Variants in IFT140 observed in about 807,000 individuals in gnomAD.
IFT140 encodes intraflagellar transport protein 140 homolog.
In IFT140, 133 loss-of-function variants were observed where a neutral mutation model predicts 164.6. The ratio of observed to expected loss-of-function variants is 0.81; its 90% CI spans 0.70 to 0.93. The LOEUF (loss-of-function observed/expected upper bound fraction) is 0.93, where lower values mean the gene tolerates loss of function less well. Ranked by LOEUF, IFT140 falls within the 40% of genes least tolerant of loss-of-function variation. The pLI, the probability that IFT140 is intolerant of heterozygous loss-of-function variation, is 0.00. For synonymous variants in IFT140, 860 were observed against 817.3 expected, an observed-to-expected ratio of 1.05 and a Z score of -0.89; for missense variants, 2,045 against 1,972.3, an observed-to-expected ratio of 1.04 and a Z score of -0.70.
Position 1,525,201 on chromosome 16 carries a change from G to A in IFT140, c.2864+30C>T, listed in dbSNP as rs114712279. On this transcript the variant is annotated intron_variant, in intron 22 of 30. Transcript: ENST00000426508. ...CCTGCAAACCTCCAGGATGGAGTGC[G>A]GTCCCACCAGCCCTGGTGGGGACAC... is the stretch of plus-strand genomic sequence containing the variant. The A allele has an allele frequency of 1.1e-3, 1,676 of 1,522,698 alleles. 14 individuals carry two copies. The African/African-American group carries it at 0.02, about 18-fold the overall frequency. The allele number at this position is 1,522,698 out of a possible 1,614,324, so 94.3% of individuals were successfully genotyped here. A position where few individuals can be genotyped will look rare whatever the true frequency, so the allele number is the denominator to read the frequency against.
At chr16:1,542,156 G>C (rs2031714976) in intron 19 of IFT140, 10 of 1,413,714 alleles carry the variant, frequency 7.1e-6, no homozygotes, top group Non-Finnish European at 9.3e-6. Flanking sequence ...CTGAGGCCTT[G>C]GGTGGCCTGG....
Position 1,566,072 on chromosome 16 carries a change from C to T in IFT140, c.1901+89G>A, listed in dbSNP as rs563584428. ...GGTGCCTGCTGGGGCCTTTTGAAGG[C>T]GCGTTAACTTAGCAACAACCCGCCC... On this transcript the variant is annotated intron_variant, in intron 16 of 30. Coordinates refer to ENST00000426508, the MANE Select transcript of IFT140 (RefSeq NM_014714.4). 1.3e-4 allele frequency: 176 copies of T among 1,316,184 alleles called. 1 individual carries two copies. The East Asian group carries it at 3.5e-3, about 27-fold the overall frequency. The allele number at this position is 1,316,184 out of a possible 1,614,324, so 81.5% of individuals were successfully genotyped here.
At chr16:1,566,321 G>A (rs201097600) in intron 15 of IFT140, 30 bp from the exon 16 acceptor site, 22 of 1,610,580 alleles carry the variant, frequency 1.4e-5, no homozygotes, top group East Asian at 2.2e-5. Flanking sequence ...GAAAGCTCAC[G>A]GAGCCTGCCC....
At chr16:1,520,426 A>G (rs750289348) in intron 27 of IFT140, 83 bp from the exon 28 acceptor site, 6 of 1,484,046 alleles carry the variant, frequency 4.0e-6, no homozygotes, top group East Asian at 4.5e-5. Flanking sequence ...AGCTCTCACA[A>G]GAAGAGTGGC....
At chr16:1,608,757 C>T (rs979600016) in intron 2 of IFT140, among the ~76,000 whole-genome samples, 5 of 152,092 alleles carry the variant, frequency 3.3e-5, no homozygotes, top group African/African-American at 4.8e-5. Context: ...GACAGGGCCC[C>T]CAGGCTGGAG....
At chr16:1,529,007 C>T (rs188056395) in intron 19 of IFT140, among the ~76,000 whole-genome samples, 60 of 152,208 alleles carry the variant, frequency 3.9e-4, no homozygotes, top group Admixed American at 1.8e-3. Context: ...CGGGCAGGCT[C>T]GGTGCACTTG....
chr16:1,567,831 C>G (rs530486999), intron 15 of IFT140, among the ~76,000 whole-genome samples: 1 of 152,206 alleles, frequency 6.6e-6, no homozygotes, highest in Admixed American at 6.5e-5. Context: ...CTGAGTGGGA[C>G]GCCTGAGGGC....
chr16:1,538,202 T>C (rs1314914446), intron 19 of IFT140, among the ~76,000 whole-genome samples: 1 of 152,130 alleles, frequency 6.6e-6, no homozygotes, highest in African/African-American at 2.4e-5. Context: ...GGTGCCCTTG[T>C]GGTGAGCCAT....
chr16:1,553,250 C>CTCTCTGTATCTCTCTTGG lies in IFT140; in HGVS notation c.2399+4667_2399+4684dup. On this transcript the variant is annotated intron_variant, in intron 19 of 30. Coordinates refer to ENST00000426508, the MANE Select transcript of IFT140 (RefSeq NM_014714.4). This position sits in a 1 kb window ranked among gnomAD's most constrained non-coding sequence, Gnocchi z 4.4. ...CATCTGTCTCTGTGTCTGTCTCTGT[C>CTCTCTGTATCTCTCTTGG]TCTCTGTATCTCTCTTGGTCTCTGT... is the stretch of plus-strand genomic sequence containing the variant. 1.0e-6 allele frequency: 1 copy of CTCTCTGTATCTCTCTTGG among 976,388 alleles called. No individual in the cohort carries two copies. The highest frequency in any genetic ancestry group is 1.2e-6 in the Non-Finnish European group (1 of 821,754). The allele number at this position is 976,388 out of a possible 1,614,324, so 60.5% of individuals were successfully genotyped here.
intron 4 of IFT140, among the ~76,000 whole-genome samples, chr16:1,595,167 C>A (rs1233012034): frequency 6.6e-6 from 1 of 152,174 alleles, no homozygotes; most frequent in Non-Finnish European, 1.5e-5. Flanking sequence ...CGCCTGTAGT[C>A]CCAGCTACTC....
chr16:1,598,130 G>C (rs1367569391), intron 4 of IFT140, among the ~76,000 whole-genome samples: 1 of 151,716 alleles, frequency 6.6e-6, no homozygotes, highest in African/African-American at 2.4e-5. Flanking sequence ...GGAACAACCT[G>C]ATAAAAAAAA....
At chr16:1,611,305 G>C (rs1004277923) in intron 1 of IFT140, among the ~76,000 whole-genome samples, 5 of 152,160 alleles carry the variant, frequency 3.3e-5, no homozygotes, top group Admixed American at 3.3e-4. Context: ...AGGAGTTCGA[G>C]ACCAGCCTTG....
chr16:1,608,298 G>A (rs1276816117), intron 2 of IFT140, among the ~76,000 whole-genome samples: 1 of 152,188 alleles, frequency 6.6e-6, no homozygotes, highest in Non-Finnish European at 1.5e-5. Flanking sequence ...TCAATTTGGG[G>A]AAGTTAACTG....
At chr16:1,524,329 G>A in intron 24 of IFT140, 2 of 652,176 alleles carry the variant, frequency 3.1e-6, no homozygotes, top group Non-Finnish European at 5.1e-6. Flanking sequence ...TGGAGCCTGG[G>A]AAACATCTGG....
chr16:1,529,304 G>A lies in IFT140; in HGVS notation c.2400-2508C>T, dbSNP rs566500128. On this transcript the variant is annotated intron_variant, in intron 19 of 30. Transcript: ENST00000426508. ...GTCCAAACCCACGGGCCAGGCCCTC[G>A]TGGGGGTGCCAAGCGTCTGGGGGGC... Among the ~76,000 whole-genome samples the A allele has an allele frequency of 4.3e-4, 66 of 152,310 alleles. 1 individual carries two copies. Among genetic ancestry groups the A allele is most frequent in the Non-Finnish European group, 7.4e-4 (50 of 68,008 alleles).
At chr16:1,527,341 C>T (rs1011380494) in intron 19 of IFT140, among the ~76,000 whole-genome samples, 2 of 152,142 alleles carry the variant, frequency 1.3e-5, no homozygotes, top group African/African-American at 4.8e-5. Context: ...GAGACGGTGA[C>T]CCAGCCCACG....
chr16:1,523,800 C>A (rs961190410), intron 25 of IFT140, 28 bp downstream of exon 25: 1 of 1,608,894 alleles, frequency 6.2e-7, no homozygotes, highest in African/African-American at 1.3e-5. Flanking sequence ...GCCCCTCCCC[C>A]AGGTCCCCAC....
Position 1,542,165 on chromosome 16 carries a change from G to C in IFT140, c.2400-15369C>G, listed in dbSNP as rs2031716376. ...AGGGTCCTGAGGCCTTGGGTGGCCT[G>C]GGGGGAAGCTGCAGGCCATACCTCT... On this transcript the variant is annotated intron_variant, in intron 19 of 30. Transcript: ENST00000426508. 4 of 1,380,364 alleles carry C rather than the reference G, an allele frequency of 2.9e-6. No individual in the cohort carries two copies. The South Asian group carries it at 6.0e-5, about 21-fold the overall frequency. 85.5% of individuals were successfully genotyped at this position (1,380,364 alleles called of 1,614,324 possible). A position where few individuals can be genotyped will look rare whatever the true frequency, so the allele number is the denominator to read the frequency against.
intron 14 of IFT140, among the ~76,000 whole-genome samples, chr16:1,569,635 G>C (rs981126983): frequency 3.3e-5 from 5 of 149,312 alleles, no homozygotes; most frequent in African/African-American, 1.2e-4. Context: ...CTGTCGCCCA[G>C]GCTGTAGTGC....
Sources: gnomAD v4.1 joint callset for allele counts (sites outside exome capture counted in the v4.1 genomes callset) on GRCh38, gnomAD v4.1.1 for gene constraint, Gnocchi (gnomAD v3.1) non-coding constraint, MANE v1.5 for transcripts, NCBI Gene and HGNC (gene_info 2026-07-23, HGNC 2026-07-21) for gene names.